TOM1L2: variants seen among roughly 807,000 people sequenced by gnomAD.
TOM1L2 encodes target of myb1 like 2 membrane trafficking protein.
Under a neutral mutation model 67.9 loss-of-function variants are expected in TOM1L2, and 31 were observed. The observed-to-expected ratio is 0.46, with a 90% CI of 0.34 to 0.62. TOM1L2 has a LOEUF of 0.62. Ranked by LOEUF, TOM1L2 falls within the 20% of genes least tolerant of loss-of-function variation. TOM1L2 has a pLI of 0.01. For synonymous variants in TOM1L2, 256 were observed against 254.0 expected, an observed-to-expected ratio of 1.01 and a Z score of -0.07; for missense variants, 606 against 663.5, an observed-to-expected ratio of 0.91 and a Z score of 0.95.
chr17:17,861,584 AT>A (rs748719552), intron 11 of TOM1L2, 33 bp from the exon 12 acceptor site: 1 of 1,604,726 alleles, frequency 6.2e-7, no homozygotes, highest in South Asian at 1.1e-5. Flanking sequence ...AGCAGAGTTC[AT>A]TTTCCTCCAG....
chr17:17,910,561 CTATTAT>C lies in TOM1L2; in HGVS notation c.53-3036_53-3031del, dbSNP rs575912439. ...ATGGGGTGGGATTCAGTGATTATTA[CTATTAT>C]TATTATTATTATTTTTATGTGAGAC... On this transcript the variant is annotated intron_variant, in intron 1 of 14. Coordinates refer to ENST00000379504, the MANE Select transcript of TOM1L2 (RefSeq NM_001082968.2). 2.2e-4 allele frequency among the ~76,000 whole-genome samples: 34 copies of C among 151,804 alleles called. No homozygotes were observed. In the East Asian group the frequency reaches 2.9e-3, roughly 13 times the overall value.
chr17:17,912,671 G>T (rs1227766022), intron 1 of TOM1L2, among the ~76,000 whole-genome samples: 36 of 150,900 alleles, frequency 2.4e-4, no homozygotes, highest in African/African-American at 8.5e-4. Flanking sequence ...GTGGGATGGC[G>T]GCCGGACGGA....
chr17:17,954,883 A>G (rs1212962644), intron 1 of TOM1L2, among the ~76,000 whole-genome samples: 2 of 152,206 alleles, frequency 1.3e-5, no homozygotes, highest in African/African-American at 4.8e-5. Context: ...CACAGATACT[A>G]CGCTCTAAGG....
chr17:17,928,157 A>AG (rs2144673661), intron 1 of TOM1L2, among the ~76,000 whole-genome samples: 1 of 40,916 alleles, frequency 2.4e-5, no homozygotes, highest in South Asian at 3.0e-3. Flanking sequence ...TTTCTGTAAC[A>AG]ACAAAAAAAA....
intron 1 of TOM1L2, among the ~76,000 whole-genome samples, chr17:17,959,837 C>T (rs187590165): frequency 6.6e-6 from 1 of 152,292 alleles, no homozygotes; most frequent in East Asian, 1.9e-4. Flanking sequence ...GACTACAAGG[C>T]TTATGCTTCA....
chr17:17,946,225 C>T (rs2040944923), intron 1 of TOM1L2, among the ~76,000 whole-genome samples: 2 of 152,046 alleles, frequency 1.3e-5, no homozygotes, highest in Non-Finnish European at 2.9e-5. Context: ...ATTTACATAC[C>T]ATGAAATCTA....
chr17:17,913,444 G>A (rs940434029), intron 1 of TOM1L2, among the ~76,000 whole-genome samples: 18 of 152,070 alleles, frequency 1.2e-4, no homozygotes, highest in Middle Eastern at 3.4e-3. Context: ...GGCCAGGGCC[G>A]GCACCTGGTA....
chr17:17,921,661 G>C (rs1165640143), intron 1 of TOM1L2, among the ~76,000 whole-genome samples: 1 of 151,506 alleles, frequency 6.6e-6, no homozygotes, highest in African/African-American at 2.4e-5. Context: ...CAGACAGGTG[G>C]GGGTGGCTGG....
In TOM1L2 at chr17:17,920,512, G is replaced by A. The variant is rs2039816727; in HGVS notation, c.53-12981C>T. Among the ~76,000 whole-genome samples, 3 of 151,874 alleles carry A rather than the reference G, an allele frequency of 2.0e-5. No homozygotes were observed. The South Asian group carries it at 6.2e-4, about 32-fold the overall frequency. On this transcript the variant is annotated intron_variant, in intron 1 of 14. Coordinates refer to ENST00000379504, the MANE Select transcript of TOM1L2 (RefSeq NM_001082968.2). ...TCTGTCACCACACCAGCTAATTTGT[G>A]TATTTTTAGTAGAGACGGGGTTTCA...
intron 2 of TOM1L2, among the ~76,000 whole-genome samples, chr17:17,906,127 TTTTCA>T (rs1407226789): frequency 1.2e-4 from 12 of 104,314 alleles, no homozygotes; most frequent in African/African-American, 6.0e-4. Context: ...TTGTCTTCTC[TTTTCA>T]TTTTTTTTTT....
At chr17:17,856,654 G>A (rs1484543978) in intron 12 of TOM1L2, among the ~76,000 whole-genome samples, 3 of 152,276 alleles carry the variant, frequency 2.0e-5, no homozygotes, top group African/African-American at 7.2e-5. Context: ...CCTGGAGGGA[G>A]AGGCACATGT....
Position 17,884,673 on chromosome 17 carries a change from T to C in TOM1L2, c.462A>G (p.Ala154=). 1 of 1,614,128 alleles carries C rather than the reference T, an allele frequency of 6.2e-7. No homozygotes were observed. Among genetic ancestry groups the C allele is most frequent in the Non-Finnish European group, 8.5e-7 (1 of 1,180,036 alleles). ...GTATGGGAGACAGAGCGTCCAAGTC[T>C]GCCATGGGAAATTCAACCCCTTTCC... ...LKRKGVEFPM[A]DLDALSPIHT... is the part of the protein sequence containing the mutation. Residue 154 remains alanine, a synonymous_variant, in exon 5 of 15, where the codon GCA becomes GCG. Transcript: ENST00000379504.
chr17:17,965,782 T>G (rs2041851764), intron 1 of TOM1L2, among the ~76,000 whole-genome samples: 1 of 152,212 alleles, frequency 6.6e-6, no homozygotes, highest in Non-Finnish European at 1.5e-5. Context: ...AGTGCCCACT[T>G]CAGTCTCTGG....
At chr17:17,917,683 C>T (rs1372742698) in intron 1 of TOM1L2, among the ~76,000 whole-genome samples, 1 of 71,620 alleles carries the variant, frequency 1.4e-5, no homozygotes, top group Non-Finnish European at 2.3e-5. Flanking sequence ...GCTTCCCAGG[C>T]CAGCTCATGC....
In TOM1L2 at chr17:17,923,250, A is replaced by G. The variant is rs375497463; in HGVS notation, c.53-15719T>C. Among the ~76,000 whole-genome samples the G allele has an allele frequency of 5.9e-5, 9 of 152,292 alleles. No individual in the cohort carries two copies. In the East Asian group the frequency reaches 1.7e-3, roughly 29 times the overall value. On this transcript the variant is annotated intron_variant, in intron 1 of 14. Transcript: ENST00000379504. The stretch of plus-strand genomic sequence containing the variant: ...CTGGTCTCTACTAAACATACAAAAA[A>G]ATTAGCCAGGCGTGGTGGTGGGTGC...
rs374413505 is a variant in TOM1L2 at position 17,884,674 on chromosome 17, G to A, written c.461C>T (p.Ala154Val). 3 of 1,613,994 alleles carry A rather than the reference G, an allele frequency of 1.9e-6. No individual in the cohort carries two copies. Among genetic ancestry groups the A allele is most frequent in the Non-Finnish European group, 2.5e-6 (3 of 1,180,034 alleles). The change falls in exon 5 of 15, where the codon GCA becomes GTA. Residue 154 changes from alanine (A) to valine (V), a missense_variant. Physicochemically the swap from Ala to Val is moderately conservative, Grantham distance 64. Around this residue, in one of 2 missense-constraint regions of TOM1L2, gnomAD observed 543 missense variants for 554.0 expected, o/e 0.98. Transcript: ENST00000379504. ...TATGGGAGACAGAGCGTCCAAGTCT[G>A]CCATGGGAAATTCAACCCCTTTCCT... is the stretch of plus-strand genomic sequence containing the variant. ...LKRKGVEFPMADLDALSPIHT... is the reference protein window; with the variant it reads ...LKRKGVEFPMVDLDALSPIHT...
chr17:17,884,554 G>A, intron 5 of TOM1L2, 80 bp downstream of exon 5: 4 of 1,578,622 alleles, frequency 2.5e-6, no homozygotes, highest in Non-Finnish European at 3.5e-6. Context: ...TTCAAAGGCA[G>A]CAGCAGAAGG....
chr17:17,922,171 A>C (rs780775292), intron 1 of TOM1L2, among the ~76,000 whole-genome samples: 2 of 152,240 alleles, frequency 1.3e-5, no homozygotes, highest in Non-Finnish European at 2.9e-5. Flanking sequence ...CACAGGGCAC[A>C]GACCTGAGGC....
chr17:17,869,092 C>A (rs1448365302), intron 8 of TOM1L2: 3 of 616,766 alleles, frequency 4.9e-6, no homozygotes, highest in Non-Finnish European at 7.7e-6. Context: ...GGCAGAGCAG[C>A]CTGAGGCTTA....
Sources: gnomAD v4.1 joint callset for allele counts (sites outside exome capture counted in the v4.1 genomes callset) on GRCh38, gnomAD v4.1.1 for gene constraint, gnomAD v4.1.1 regional missense constraint, MANE v1.5 for transcripts, NCBI Gene and HGNC (gene_info 2026-07-23, HGNC 2026-07-21) for gene names.